KDM4C: variants seen among roughly 807,000 people sequenced by gnomAD.
The protein encoded by KDM4C is lysine demethylase 4C, also known as lysine-specific demethylase 4C.
KDM4C carries 81 observed loss-of-function variants against 129.3 expected under a neutral mutation model. That is an observed-to-expected ratio of 0.63 (90% CI 0.52 to 0.75). The LOEUF is 0.75. Among genes scored for constraint, KDM4C ranks in the 30% least tolerant of loss-of-function variants. The probability of loss-of-function intolerance (pLI) is 0.00; values close to 1 mark genes in which losing one functional copy is unlikely to be tolerated. For synonymous variants in KDM4C, 573 were observed against 456.1 expected, an observed-to-expected ratio of 1.26 and a Z score of -3.26; for missense variants, 1,457 against 1,304.0, an observed-to-expected ratio of 1.12 and a Z score of -1.81.
intron 15 of KDM4C, among the ~76,000 whole-genome samples, chr9:7,026,700 C>G (rs1359470497): frequency 6.6e-6 from 1 of 152,102 alleles, no homozygotes; most frequent in Non-Finnish European, 1.5e-5. Flanking sequence ...TTCTCTGCCT[C>G]TGCGTTAAGG....
chr9:6,925,216 T>G, intron 8 of KDM4C: 12 of 985,342 alleles, frequency 1.2e-5, no homozygotes, highest in Non-Finnish European at 1.4e-5. Context: ...ACAGCTCATG[T>G]GAGAGCTGTG....
chr9:6,833,161 C>T (rs1461841185), intron 4 of KDM4C, among the ~76,000 whole-genome samples: 2 of 151,948 alleles, frequency 1.3e-5, no homozygotes, highest in South Asian at 2.1e-4. Context: ...AGGGGGGCTT[C>T]ATATGGTTTG....
intron 15 of KDM4C, among the ~76,000 whole-genome samples, chr9:7,032,807 A>T (rs930426833): frequency 6.6e-6 from 1 of 152,166 alleles, no homozygotes; most frequent in African/African-American, 2.4e-5. Flanking sequence ...AATGTATTTG[A>T]CTAGTTTTTG....
intron 4 of KDM4C, among the ~76,000 whole-genome samples, chr9:6,827,738 G>C (rs993533306): frequency 6.6e-6 from 1 of 152,220 alleles, no homozygotes; most frequent in African/African-American, 2.4e-5. Context: ...CCAAGGCAAA[G>C]ATGTCATCCT....
At chr9:6,832,609 T>G (rs1264258188) in intron 4 of KDM4C, among the ~76,000 whole-genome samples, 3 of 150,464 alleles carry the variant, frequency 2.0e-5, no homozygotes, top group East Asian at 4.0e-4. Context: ...GTATTTTTAG[T>G]AGAGATGGGG....
At chr9:6,778,240 C>T (rs1823519512) in intron 1 of KDM4C, among the ~76,000 whole-genome samples, 1 of 151,710 alleles carries the variant, frequency 6.6e-6, no homozygotes, top group Non-Finnish European at 1.5e-5. Context: ...CAGGCACCTG[C>T]CACCACCCCT....
intron 5 of KDM4C, among the ~76,000 whole-genome samples, chr9:6,850,068 A>T (rs1209908588): frequency 6.6e-6 from 1 of 152,252 alleles, no homozygotes; most frequent in African/African-American, 2.4e-5. Context: ...TACAATATTT[A>T]GTTCAGTACA....
At chr9:6,852,345 T>C (rs981613434) in intron 5 of KDM4C, among the ~76,000 whole-genome samples, 2 of 152,204 alleles carry the variant, frequency 1.3e-5, no homozygotes, top group African/African-American at 2.4e-5. Context: ...GTCTTTATTA[T>C]GCACTAGTGC....
At chr9:7,058,980 A>T (rs572700377) in intron 17 of KDM4C, among the ~76,000 whole-genome samples, 3 of 152,330 alleles carry the variant, frequency 2.0e-5, no homozygotes, top group African/African-American at 7.2e-5. Context: ...AGCTTTCTAC[A>T]TGAAAACTGG....
At chr9:6,808,236 C>T (rs1412391595) in intron 3 of KDM4C, among the ~76,000 whole-genome samples, 5 of 73,106 alleles carry the variant, frequency 6.8e-5, no homozygotes, top group East Asian at 3.4e-4. Context: ...ACAATGGCGG[C>T]TTTGTGGAAT....
chr9:6,833,850 C>T (rs1835353194), intron 4 of KDM4C, among the ~76,000 whole-genome samples: 1 of 152,130 alleles, frequency 6.6e-6, no homozygotes, highest in South Asian at 2.1e-4. Context: ...TAAGTTTGTC[C>T]AATCCGCAGC....
intron 1 of KDM4C, among the ~76,000 whole-genome samples, chr9:6,783,738 G>C (rs1366169060): frequency 6.6e-6 from 1 of 152,212 alleles, no homozygotes; most frequent in East Asian, 1.9e-4. Flanking sequence ...AGAGGCTGCA[G>C]AAGGGTTGGT....
At chr9:7,053,696 A>G (rs771486874) in intron 17 of KDM4C, among the ~76,000 whole-genome samples, 3 of 152,234 alleles carry the variant, frequency 2.0e-5, no homozygotes, top group Non-Finnish European at 4.4e-5. Flanking sequence ...GTTTGGCTGT[A>G]GTGGTCTCCA....
chr9:6,771,651 AAGGATGAGT>A (rs1461977950), intron 1 of KDM4C, among the ~76,000 whole-genome samples: 2 of 152,200 alleles, frequency 1.3e-5, no homozygotes, highest in African/African-American at 4.8e-5. Context: ...GTTTGAAACT[AAGGATGAGT>A]AGTCTCCATG....
At chr9:7,119,439 G>A (rs1201112490) in intron 18 of KDM4C, among the ~76,000 whole-genome samples, 1 of 152,212 alleles carries the variant, frequency 6.6e-6, no homozygotes, top group Non-Finnish European at 1.5e-5. Flanking sequence ...TGCATTAACA[G>A]TTTTTGTAAC....
chr9:6,900,688 A>G (rs1817250434), intron 8 of KDM4C, among the ~76,000 whole-genome samples: 1 of 152,218 alleles, frequency 6.6e-6, no homozygotes, highest in Admixed American at 6.5e-5. Flanking sequence ...TTCTCTGTCG[A>G]TAAACCTACA....
chr9:6,832,807 A>G (rs1234333978), intron 4 of KDM4C, among the ~76,000 whole-genome samples: 1 of 149,054 alleles, frequency 6.7e-6, no homozygotes, highest in Non-Finnish European at 1.5e-5. Flanking sequence ...AGCTCACTGC[A>G]ACCTCTGCCT....
chr9:6,834,992 C>A (rs1324363627), intron 4 of KDM4C: 2 of 976,358 alleles, frequency 2.0e-6, no homozygotes, highest in Non-Finnish European at 3.3e-6. Context: ...GCATCTGGAC[C>A]TGGCTGGCCG....
At chr9:7,012,211 TG>T (rs1382717617) in intron 13 of KDM4C, among the ~76,000 whole-genome samples, 1 of 152,146 alleles carries the variant, frequency 6.6e-6, no homozygotes, top group Non-Finnish European at 1.5e-5. Context: ...CGACTATAGG[TG>T]TGAGCCACCA....
Sources: allele counts gnomAD v4.1 joint callset (sites outside exome capture counted in the v4.1 genomes callset), GRCh38; gene constraint gnomAD v4.1.1; transcripts MANE v1.5; gene names NCBI Gene and HGNC (gene_info 2026-07-23, HGNC 2026-07-21).